Variants in GPR161 observed in about 807,000 individuals in gnomAD.
The protein encoded by GPR161 is G protein-coupled receptor 161.
A neutral mutation model predicts 39.2 loss-of-function variants in GPR161; 25 were observed. That is an observed-to-expected ratio of 0.64 (90% CI 0.47 to 0.89). GPR161 has a LOEUF of 0.89. Among genes scored for constraint, GPR161 ranks in the 40% least tolerant of loss-of-function variants. The pLI, the probability that GPR161 is intolerant of heterozygous loss-of-function variation, is 0.00. For synonymous variants in GPR161, 286 were observed against 276.6 expected, an observed-to-expected ratio of 1.03 and a Z score of -0.34; for missense variants, 547 against 677.8, an observed-to-expected ratio of 0.81 and a Z score of 2.14.
At chr1:168,091,642 G>T (rs1695078123) in intron 3 of GPR161, among the ~76,000 whole-genome samples, 1 of 152,108 alleles carries the variant, frequency 6.6e-6, no homozygotes, top group African/African-American at 2.4e-5. Context: ...GAAGGTACTA[G>T]CGTGAAAGAC....
At position 168,081,252 on chromosome 1, in the gene GPR161, T is replaced by G. The variant is rs1694055048; in HGVS notation, c.*4279A>C. 6.6e-6 allele frequency: 1 copy of G among 152,218 alleles called. No individual in the cohort carries two copies. Among genetic ancestry groups the G allele is most frequent in the African/African-American group, 2.4e-5 (1 of 41,446 alleles). 9.4% of individuals were successfully genotyped at this position (152,218 alleles called of 1,614,324 possible). On this transcript the variant is annotated 3_prime_UTR_variant, in exon 6 of 6. Transcript: ENST00000682931. ...GCTACTTAGCCTTTCCTCCCTGCTC[T>G]CTATTGCCTGCTCTTCCTCACCACA...
chr1:168,116,408 C>T (rs1475698975), intron 1 of GPR161, among the ~76,000 whole-genome samples: 4 of 152,246 alleles, frequency 2.6e-5, no homozygotes, highest in African/African-American at 9.6e-5. Flanking sequence ...GCCATACTCT[C>T]AGGGCCCCTT....
At chr1:168,133,302 A>G (rs1699138816) in intron 1 of GPR161, among the ~76,000 whole-genome samples, 1 of 152,240 alleles carries the variant, frequency 6.6e-6, no homozygotes, top group African/African-American at 2.4e-5. Context: ...CAATAAACAA[A>G]GATAATTCTG....
intron 3 of GPR161, among the ~76,000 whole-genome samples, 153 bp from the exon 4 acceptor site, chr1:168,090,821 C>G (rs944624096): frequency 2.6e-5 from 4 of 152,242 alleles, no homozygotes; most frequent in African/African-American, 9.6e-5. Flanking sequence ...TAGCTGCTCC[C>G]TCCTGGCTCG....
chr1:168,096,210 G>C (rs1319119377), intron 3 of GPR161, among the ~76,000 whole-genome samples: 1 of 151,830 alleles, frequency 6.6e-6, no homozygotes, highest in Non-Finnish European at 1.5e-5. Flanking sequence ...GCCAGGGCTG[G>C]GGTTTCAGAA....
At chr1:168,086,368 G>GCC (rs1694494091) in intron 5 of GPR161, among the ~76,000 whole-genome samples, 1 of 152,208 alleles carries the variant, frequency 6.6e-6, no homozygotes, top group Admixed American at 6.5e-5. Context: ...AGAGGGGGGA[G>GCC]CCCTTCAATT....
intron 2 of GPR161, among the ~76,000 whole-genome samples, chr1:168,102,839 C>CAAA (rs11383567): frequency 3.0e-5 from 4 of 135,158 alleles, no homozygotes; most frequent in Non-Finnish European, 3.2e-5. Context: ...CTTAATAATT[C>CAAA]AAAAAAAAAA....
chr1:168,121,036 T>C (rs1162773036), intron 1 of GPR161, among the ~76,000 whole-genome samples: 4 of 152,238 alleles, frequency 2.6e-5, no homozygotes, highest in African/African-American at 4.8e-5. Flanking sequence ...ATCTTCTGTT[T>C]AACTTCTCTG....
At chr1:168,099,885 G>GCATCTACA (rs948288731) in intron 2 of GPR161, among the ~76,000 whole-genome samples, 2 of 143,744 alleles carry the variant, frequency 1.4e-5, no homozygotes, top group Non-Finnish European at 3.1e-5. Context: ...TGAAATGCAC[G>GCATCTACA]CATCTACACC....
In GPR161 at chr1:168,090,636, T is replaced by G; in HGVS notation, c.1132A>C (p.Met378Leu). Reference sequence around the variant, plus strand: ...TGCCCCAGGGGCTGTCCACCTGCCATGAGCGCAGTGAGGTGTGGGGACAGG... The same window carrying G: ...TGCCCCAGGGGCTGTCCACCTGCCAGGAGCGCAGTGAGGTGTGGGGACAGG... ...LGLSPHLTAL[M>L]AGGQPLGHSS... is the part of the protein sequence containing the mutation. The change falls in exon 4 of 6, where the codon ATG (methionine) becomes CTG (leucine). Residue 378 changes from methionine to leucine, a missense_variant. By Grantham distance (15) the Met-to-Leu change is conservative. Coordinates refer to ENST00000682931, the MANE Select transcript of GPR161 (RefSeq NM_001375883.1). 1 of 1,611,550 alleles carries G rather than the reference T, an allele frequency of 6.2e-7. No individual in the cohort carries two copies. Among genetic ancestry groups the G allele is most frequent in the Non-Finnish European group, 8.5e-7 (1 of 1,177,852 alleles).
At chr1:168,126,750 G>A (rs1292963211) in intron 1 of GPR161, among the ~76,000 whole-genome samples, 2 of 152,120 alleles carry the variant, frequency 1.3e-5, no homozygotes, top group Non-Finnish European at 2.9e-5. Context: ...CACCACACCC[G>A]GCCATAATAC....
chr1:168,103,060 C>A (rs1696258895), intron 2 of GPR161, among the ~76,000 whole-genome samples: 1 of 152,122 alleles, frequency 6.6e-6, no homozygotes, highest in South Asian at 2.1e-4. Context: ...ATAGCAATTA[C>A]ACAAACACAC....
intron 1 of GPR161, among the ~76,000 whole-genome samples, chr1:168,126,165 G>C (rs1263235851): frequency 6.6e-6 from 1 of 152,170 alleles, no homozygotes; most frequent in Admixed American, 6.5e-5. Context: ...TTCTGTAACT[G>C]AGCATTTTCT....
intron 1 of GPR161, among the ~76,000 whole-genome samples, chr1:168,119,200 ATATATATATGTATACATATATATATACG>A (rs1697884502): frequency 7.9e-6 from 1 of 126,664 alleles, no homozygotes; most frequent in African/African-American, 3.5e-5. Context: ...TCCATCATAT[ATATATATATGTATACATATATATATACG>A]TATATATATA....
chr1:168,084,662 C>T lies in GPR161; in HGVS notation c.*869G>A. 1 of 368,354 alleles carries T rather than the reference C, an allele frequency of 2.7e-6. No individual in the cohort carries two copies. The highest frequency in any genetic ancestry group is 5.3e-6 in the Non-Finnish European group (1 of 189,908). The allele number at this position is 368,354 out of a possible 1,614,324, so 22.8% of individuals were successfully genotyped here. ...TAGAATCTATTTAATGAGGCTTTCC[C>T]ATGTGAACAAATTCCCTTCCATAAT... On this transcript the variant is annotated 3_prime_UTR_variant, in exon 6 of 6. Coordinates refer to ENST00000682931, the MANE Select transcript of GPR161 (RefSeq NM_001375883.1).
upstream of GPR161, chr1:168,137,426 C>T: frequency 6.6e-7 from 1 of 1,524,452 alleles, no homozygotes; most frequent in Non-Finnish European, 8.8e-7. Flanking sequence ...GAGCATCCAT[C>T]TGCCTTCTGC....
rs182895388 is a variant in GPR161, at chr1:168,087,638, G to A, written c.1271C>T (p.Pro424Leu). 1 of 1,613,996 alleles carries A rather than the reference G, an allele frequency of 6.2e-7. No homozygotes were observed. The highest frequency in any genetic ancestry group is 1.3e-5 in the African/African-American group (1 of 75,022). The change falls in exon 5 of 6, where the codon CCA becomes CTA. Residue 424 changes from proline to leucine, a missense_variant. Physicochemically the swap from Pro to Leu is moderately conservative, Grantham distance 98 (BLOSUM62 -3). Transcript: ENST00000682931. ...DDNPPSHCTC[P>L]PKRRSSVTFE... ...TGTCACCGAGCTCCTTCTCTTGGGTGGGCAAGTGCAGTGAGAGGGAGGGTT... is the reference window on the plus strand; with the variant it reads ...TGTCACCGAGCTCCTTCTCTTGGGTAGGCAAGTGCAGTGAGAGGGAGGGTT...
chr1:168,104,918 G>A (rs1159930626), intron 1 of GPR161, 24 bp from the exon 2 acceptor site: 3 of 1,572,052 alleles, frequency 1.9e-6, no homozygotes. Context: ...GCAGGACCAG[G>A]GGACAGGAAA....
At chr1:168,117,857 C>T (rs950800119) in intron 1 of GPR161, among the ~76,000 whole-genome samples, 1 of 152,250 alleles carries the variant, frequency 6.6e-6, no homozygotes, top group Non-Finnish European at 1.5e-5. Flanking sequence ...AGCTGTGCCG[C>T]ACTCTCCCAT....
Sources: gnomAD v4.1 joint callset for allele counts (sites outside exome capture counted in the v4.1 genomes callset) on GRCh38, gnomAD v4.1.1 for gene constraint, MANE v1.5 for transcripts, NCBI Gene and HGNC (gene_info 2026-07-23, HGNC 2026-07-21) for gene names.